The following OR5K3 variants were observed in gnomAD, a reference collection of about 807,000 sequenced individuals.
The protein encoded by OR5K3 is olfactory receptor 5K3.
For synonymous variants in OR5K3, 178 were observed against 132.6 expected, an observed-to-expected ratio of 1.34 and a Z score of -2.35; for missense variants, 498 against 383.2, an observed-to-expected ratio of 1.30 and a Z score of -2.50.
In OR5K3 at chr3:98,390,751, T is replaced by C; in HGVS notation, c.86T>C (p.Val29Ala). Residue 29 changes from valine to alanine, a missense_variant, in exon 1 of 1, where the codon GTG becomes GCG. Transcript: ENST00000383695. ...CCAAAGCTGAAGACTGTTCTGTTTG[T>C]GGTGTTCTTTGCCATCTATCTGATC... ...YHPKLKTVLF[V>A]VFFAIYLITM... The C allele has an allele frequency of 1.9e-6, 3 of 1,614,172 alleles. No individual in the cohort carries two copies. Among genetic ancestry groups the C allele is most frequent in the Non-Finnish European group, 2.5e-6 (3 of 1,180,014 alleles).
At position 98,391,108 on chromosome 3, in the gene OR5K3, C is replaced by T; in HGVS notation, c.443C>T (p.Ala148Val). 1 of 1,614,150 alleles carries T rather than the reference C, an allele frequency of 6.2e-7. No individual in the cohort carries two copies. The highest frequency in any genetic ancestry group is 8.5e-7 in the Non-Finnish European group (1 of 1,180,012). ...KTLCIQMTAGAYLAGNLHPMI... is the reference protein window; with the variant it reads ...KTLCIQMTAGVYLAGNLHPMI... Reference sequence around the variant, plus strand: ...CTCTGCATTCAGATGACTGCAGGAGCCTACCTAGCTGGCAACCTGCATCCC... The same window carrying T: ...CTCTGCATTCAGATGACTGCAGGAGTCTACCTAGCTGGCAACCTGCATCCC... The change falls in exon 1 of 1, where the codon GCC becomes GTC. Residue 148 changes from alanine (A) to valine (V), a missense_variant. Physicochemically the swap from Ala to Val is moderately conservative, Grantham distance 64. Transcript: ENST00000383695.
chr3:98,390,992 TAC>T lies in OR5K3; in HGVS notation c.329_330del (p.Thr110ArgfsTer11). 1 of 1,614,236 alleles carries T rather than the reference TAC, an allele frequency of 6.2e-7. No individual in the cohort carries two copies. Among genetic ancestry groups the T allele is most frequent in the East Asian group, 2.2e-5 (1 of 44,876 alleles). ...TTTATTTTCTCTGTCTTGCTGAAAC[TAC>T]AGACTGCTTTCTTCTGGCGGCAATG... ...QFYFLCLAET[T>X]DCFLLAAMAY... On this transcript the variant is annotated frameshift_variant, in exon 1 of 1. Coordinates refer to ENST00000383695, the MANE Select transcript of OR5K3 (RefSeq NM_001005516.1). LOFTEE classifies it low-confidence loss of function (END_TRUNC).
rs751484010 is a variant in OR5K3, at chr3:98,391,020, G to T, written c.355G>T (p.Ala119Ser). 14 of 1,614,144 alleles carry T rather than the reference G, an allele frequency of 8.7e-6. No individual in the cohort carries two copies. The highest frequency in any genetic ancestry group is 1.2e-5 in the Non-Finnish European group (14 of 1,180,026). The change falls in exon 1 of 1, where the codon GCC becomes TCC. Residue 119 changes from alanine (A) to serine (S), a missense_variant. Physicochemically the swap from Ala to Ser is moderately conservative, Grantham distance 99. Coordinates refer to ENST00000383695, the MANE Select transcript of OR5K3 (RefSeq NM_001005516.1). ...AGACTGCTTTCTTCTGGCGGCAATG[G>T]CCTATGACTGCTATGTGGCCATATG... ...TTDCFLLAAM[A>S]YDCYVAICNP...
chr3:98,391,382 T>G lies in OR5K3; in HGVS notation c.717T>G (p.Cys239Trp), dbSNP rs778812456. 1.2e-6 allele frequency: 2 copies of G among 1,607,212 alleles called. No individual in the cohort carries two copies. Among genetic ancestry groups the G allele is most frequent in the Non-Finnish European group, 1.7e-6 (2 of 1,178,060 alleles). Residue 239 changes from cysteine to tryptophan, a missense_variant, in exon 1 of 1, where the codon TGT becomes TGG. Coordinates refer to ENST00000383695, the MANE Select transcript of OR5K3 (RefSeq NM_001005516.1). Reference sequence around the variant, plus strand: ...GAAGAGGCAAAGCTTTATCTACTTGTGCATCTCACTTTCTCTCTGTGTCAA... The same window carrying G: ...GAAGAGGCAAAGCTTTATCTACTTGGGCATCTCACTTTCTCTCTGTGTCAA... ...KEGRGKALST[C>W]ASHFLSVSIF...
In OR5K3 at chr3:98,390,707, C is replaced by T. The variant is rs779217208; in HGVS notation, c.42C>T (p.Leu14=). The T allele has an allele frequency of 3.7e-6, 6 of 1,614,022 alleles. No homozygotes were observed. In the South Asian group the frequency reaches 6.6e-5, roughly 18 times the overall value. Residue 14 remains leucine (L), a synonymous_variant, in exon 1 of 1, where the codon CTC becomes CTT. Transcript: ENST00000383695. ...ENHSLIAEFI[L]TGFTYHPKLK... is the part of the protein sequence containing the mutation. ...ACTCCTTGATAGCTGAGTTCATCCT[C>T]ACAGGATTTACATATCATCCAAAGC...
chr3:98,391,050 C>G lies in OR5K3; in HGVS notation c.385C>G (p.Pro129Ala), dbSNP rs1272247531. 6.2e-7 allele frequency: 1 copy of G among 1,614,040 alleles called. No homozygotes were observed. The highest frequency in any genetic ancestry group is 2.2e-5 in the East Asian group (1 of 44,896). ...TGACTGCTATGTGGCCATATGCAAC[C>G]CACTGCAGTACCACACCATGATGTC... ...AYDCYVAICN[P>A]LQYHTMMSKT... Residue 129 changes from proline to alanine, a missense_variant, in exon 1 of 1, where the codon CCA (proline) becomes GCA (alanine). Pro to Ala is a conservative substitution (Grantham distance 27). Coordinates refer to ENST00000383695, the MANE Select transcript of OR5K3 (RefSeq NM_001005516.1).
Position 98,391,405 on chromosome 3 carries a change from C to G in OR5K3, c.740C>G (p.Ser247Ter), listed in dbSNP as rs376406284. 8.7e-6 allele frequency: 14 copies of G among 1,605,994 alleles called. No individual in the cohort carries two copies. In the African/African-American group the frequency reaches 1.9e-4, roughly 22 times the overall value. ...STCASHFLSV[S>*]IFCDSLLFMY... is the part of the protein sequence containing the mutation. ...TGTGCATCTCACTTTCTCTCTGTGT[C>G]AATATTCTGTGATTCCCTTCTCTTC... is the stretch of plus-strand genomic sequence containing the variant. Residue 247 changes from serine to a stop codon, truncating the protein, a stop_gained, in exon 1 of 1, where the codon TCA (serine) becomes TGA (stop). Transcript: ENST00000383695. LOFTEE classifies it low-confidence loss of function (END_TRUNC).
Position 98,391,223 on chromosome 3 carries a change from A to G in OR5K3, c.558A>G (p.Arg186=). Residue 186 remains arginine (R), a synonymous_variant, in exon 1 of 1, where the codon AGA becomes AGG. Coordinates refer to ENST00000383695, the MANE Select transcript of OR5K3 (RefSeq NM_001005516.1). ...TCTGTGATGTTCTTCCATTATATAG[A>G]CTTTCTTGTATTAACCCTTATATCA... ...HFFCDVLPLY[R]LSCINPYINE... 1.2e-6 allele frequency: 2 copies of G among 1,612,202 alleles called. No individual in the cohort carries two copies. The highest frequency in any genetic ancestry group is 8.5e-7 in the Non-Finnish European group (1 of 1,178,354).
rs376476628 is a variant in OR5K3, at chr3:98,390,783, G to A, written c.118G>A (p.Val40Met). Residue 40 changes from valine (V) to methionine (M), a missense_variant, in exon 1 of 1, where the codon GTG becomes ATG. Coordinates refer to ENST00000383695, the MANE Select transcript of OR5K3 (RefSeq NM_001005516.1). ...CTTTGCCATCTATCTGATCACCATG[G>A]TGGGGAACATTGGTTTGGTGGCATT... Reference protein sequence around the residue: ...VFFAIYLITMVGNIGLVALIY... With the variant: ...VFFAIYLITMMGNIGLVALIY... The A allele has an allele frequency of 1.9e-6, 3 of 1,614,128 alleles. No individual in the cohort carries two copies. Among genetic ancestry groups the A allele is most frequent in the East Asian group, 2.2e-5 (1 of 44,880 alleles).
In OR5K3 at chr3:98,390,827, T is replaced by G. The variant is rs1707458897; in HGVS notation, c.162T>G (p.Arg54=). Residue 54 remains arginine (R), a synonymous_variant, in exon 1 of 1, where the codon CGT becomes CGG. Transcript: ENST00000383695. The stretch of plus-strand genomic sequence containing the variant: ...TGGCATTGATTTATATAGAGCAACG[T>G]CTTCACACACCAATGTACATATTTT... The part of the protein sequence containing the change: ...GLVALIYIEQ[R]LHTPMYIFLG... 8.7e-6 allele frequency: 14 copies of G among 1,614,210 alleles called. No homozygotes were observed. In the East Asian group the frequency reaches 2.9e-4, roughly 33 times the overall value.
At position 98,391,054 on chromosome 3, in the gene OR5K3, T is replaced by C. The variant is rs1407364761; in HGVS notation, c.389T>C (p.Leu130Pro). The change falls in exon 1 of 1, where the codon CTG (leucine) becomes CCG (proline). Residue 130 changes from leucine (L) to proline (P), a missense_variant. By Grantham distance (98) the Leu-to-Pro change is moderately conservative (BLOSUM62 -3). Transcript: ENST00000383695. ...TGCTATGTGGCCATATGCAACCCACTGCAGTACCACACCATGATGTCCAAG... is the reference window on the plus strand; with the variant it reads ...TGCTATGTGGCCATATGCAACCCACCGCAGTACCACACCATGATGTCCAAG... ...YDCYVAICNPLQYHTMMSKTL... is the reference protein window; with the variant it reads ...YDCYVAICNPPQYHTMMSKTL... 6.2e-7 allele frequency: 1 copy of C among 1,614,220 alleles called. No homozygotes were observed. The highest frequency in any genetic ancestry group is 1.7e-5 in the Admixed American group (1 of 60,024).
Position 98,390,674 on chromosome 3 carries a change from G to A in OR5K3, c.9G>A (p.Lys3=), listed in dbSNP as rs761335514. 9 of 1,611,860 alleles carry A rather than the reference G, an allele frequency of 5.6e-6. No homozygotes were observed. Among genetic ancestry groups the A allele is most frequent in the South Asian group, 2.2e-5 (2 of 90,828 alleles). Residue 3 remains lysine (K), a synonymous_variant, in exon 1 of 1, where the codon AAG becomes AAA. Transcript: ENST00000383695. MN[K]ENHSLIAEFI... ...CAACAGACAAGGTGGAGATGAATAA[G>A]GAGAATCACTCCTTGATAGCTGAGT...
rs1443350190 is a variant in OR5K3 at position 98,390,709 on chromosome 3, C to T, written c.44C>T (p.Thr15Ile). The part of the protein sequence containing the change: ...NHSLIAEFIL[T>I]GFTYHPKLKT... ...TCCTTGATAGCTGAGTTCATCCTCA[C>T]AGGATTTACATATCATCCAAAGCTG... Residue 15 changes from threonine to isoleucine, a missense_variant, in exon 1 of 1, where the codon ACA (threonine) becomes ATA (isoleucine). Thr to Ile is a moderately conservative substitution (Grantham distance 89). Coordinates refer to ENST00000383695, the MANE Select transcript of OR5K3 (RefSeq NM_001005516.1). 3.1e-6 allele frequency: 5 copies of T among 1,614,016 alleles called. No individual in the cohort carries two copies. Among genetic ancestry groups the T allele is most frequent in the South Asian group, 1.1e-5 (1 of 91,070 alleles).
rs200376148 is a variant in OR5K3 at position 98,391,012 on chromosome 3, C to A, written c.347C>A (p.Ala116Glu). Residue 116 changes from alanine to glutamate, a missense_variant, in exon 1 of 1, where the codon GCG becomes GAG. Coordinates refer to ENST00000383695, the MANE Select transcript of OR5K3 (RefSeq NM_001005516.1). ...GAAACTACAGACTGCTTTCTTCTGGCGGCAATGGCCTATGACTGCTATGTG... is the reference window on the plus strand; with the variant it reads ...GAAACTACAGACTGCTTTCTTCTGGAGGCAATGGCCTATGACTGCTATGTG... ...LAETTDCFLL[A>E]AMAYDCYVAI... 3 of 1,614,072 alleles carry A rather than the reference C, an allele frequency of 1.9e-6. No homozygotes were observed. The African/African-American group carries it at 4.0e-5, about 22-fold the overall frequency.
rs767023441 is a variant in OR5K3 at position 98,391,474 on chromosome 3, T to C, written c.809T>C (p.Ile270Thr). Residue 270 changes from isoleucine (I) to threonine (T), a missense_variant, in exon 1 of 1, where the codon ATA becomes ACA. By Grantham distance (89) the Ile-to-Thr change is moderately conservative. Coordinates refer to ENST00000383695, the MANE Select transcript of OR5K3 (RefSeq NM_001005516.1). ...PGAVNEGDKD[I>T]PVAIFYTLVI... ...GCAGTTAATGAAGGGGATAAAGATA[T>C]ACCTGTTGCTATATTTTATACTTTA... The C allele has an allele frequency of 5.9e-6, 9 of 1,529,228 alleles. No individual in the cohort carries two copies. Among genetic ancestry groups the C allele is most frequent in the South Asian group, 1.2e-5 (1 of 85,248 alleles). 94.7% of individuals were successfully genotyped at this position (1,529,228 alleles called of 1,614,324 possible). A position where few individuals can be genotyped will look rare whatever the true frequency, so the allele number is the denominator to read the frequency against.
Position 98,390,960 on chromosome 3 carries a change from G to A in OR5K3, c.295G>A (p.Ala99Thr), listed in dbSNP as rs973836978. ...DKRITLYECM[A>T]QFYFLCLAET... ...AAGGATTACCCTGTATGAATGTATG[G>A]CACAATTTTATTTTCTCTGTCTTGC... is the stretch of plus-strand genomic sequence containing the variant. The change falls in exon 1 of 1, where the codon GCA becomes ACA. Residue 99 changes from alanine to threonine, a missense_variant. Transcript: ENST00000383695. The A allele has an allele frequency of 6.2e-7, 1 of 1,614,136 alleles. No homozygotes were observed.
chr3:98,391,504 T>C lies in OR5K3; in HGVS notation c.839T>C (p.Ile280Thr). 2.0e-6 allele frequency: 3 copies of C among 1,469,462 alleles called. No individual in the cohort carries two copies. The highest frequency in any genetic ancestry group is 2.8e-6 in the Non-Finnish European group (3 of 1,066,208). The allele number at this position is 1,469,462 out of a possible 1,614,324, so 91.0% of individuals were successfully genotyped here. ...GTTGCTATATTTTATACTTTAGTTATTCCTTTATTAAATCCTTTTATTTAT... is the reference window on the plus strand; with the variant it reads ...GTTGCTATATTTTATACTTTAGTTACTCCTTTATTAAATCCTTTTATTTAT... The part of the protein sequence containing the change: ...IPVAIFYTLV[I>T]PLLNPFIYSL... The change falls in exon 1 of 1, where the codon ATT becomes ACT. Residue 280 changes from isoleucine (I) to threonine (T), a missense_variant. Transcript: ENST00000383695.
In OR5K3 at chr3:98,391,518, C is replaced by A; in HGVS notation, c.853C>A (p.Pro285Thr). ...FYTLVIPLLN[P>T]FIYSLRNKEV... is the part of the protein sequence containing the mutation. ...TACTTTAGTTATTCCTTTATTAAAT[C>A]CTTTTATTTATAGCCTAAGAAATAA... Residue 285 changes from proline to threonine, a missense_variant, in exon 1 of 1, where the codon CCT (proline) becomes ACT (threonine). Pro to Thr is a conservative substitution (Grantham distance 38, BLOSUM62 -1). Coordinates refer to ENST00000383695, the MANE Select transcript of OR5K3 (RefSeq NM_001005516.1). 6.9e-7 allele frequency: 1 copy of A among 1,440,124 alleles called. No individual in the cohort carries two copies. Among genetic ancestry groups the A allele is most frequent in the South Asian group, 1.4e-5 (1 of 74,016 alleles). 89.2% of individuals were successfully genotyped at this position (1,440,124 alleles called of 1,614,324 possible). A position where few individuals can be genotyped will look rare whatever the true frequency, so the allele number is the denominator to read the frequency against.
chr3:98,391,544 G>A lies in OR5K3; in HGVS notation c.879G>A (p.Lys293=), dbSNP rs1559623203. ...CTTTTATTTATAGCCTAAGAAATAA[G>A]GAAGTAATAAATATTATGAAAAAAA... The part of the protein sequence containing the change: ...LNPFIYSLRN[K]EVINIMKKIM... The change falls in exon 1 of 1, where the codon AAG becomes AAA. Residue 293 remains lysine (K), a synonymous_variant. Coordinates refer to ENST00000383695, the MANE Select transcript of OR5K3 (RefSeq NM_001005516.1). 3.6e-6 allele frequency: 5 copies of A among 1,398,812 alleles called. No individual in the cohort carries two copies. Among genetic ancestry groups the A allele is most frequent in the Admixed American group, 2.4e-5 (1 of 41,892 alleles). The allele number at this position is 1,398,812 out of a possible 1,614,324, so 86.7% of individuals were successfully genotyped here.
Sources: allele counts gnomAD v4.1 joint callset, GRCh38; gene constraint gnomAD v4.1.1; transcripts MANE v1.5; gene names NCBI Gene and HGNC (gene_info 2026-07-23, HGNC 2026-07-21).